Variants in KAZN observed in about 807,000 individuals in gnomAD.
The protein encoded by KAZN is kazrin, periplakin interacting protein, also known as kazrin.
KAZN carries 40 observed loss-of-function variants against 87.4 expected under a neutral mutation model. The ratio of observed to expected loss-of-function variants is 0.46; its 90% CI spans 0.36 to 0.60. The LOEUF is 0.60. Ranked by LOEUF, KAZN falls within the 20% of genes least tolerant of loss-of-function variation. The probability of loss-of-function intolerance (pLI) is 0.00; values close to 1 mark genes in which losing one functional copy is unlikely to be tolerated. For synonymous variants in KAZN, 466 were observed against 458.3 expected (o/e 1.02, Z -0.22); for missense variants, 898 against 1,073.9 (o/e 0.84, Z 2.29).
intron 1 of KAZN, among the ~76,000 whole-genome samples, chr1:14,711,863 A>G (rs1184414601): frequency 2.0e-5 from 3 of 152,158 alleles, no homozygotes; most frequent in Admixed American, 6.5e-5. Flanking sequence ...CTGCGACCAG[A>G]TCCTGGTGCA....
intron 1 of KAZN, among the ~76,000 whole-genome samples, chr1:14,754,406 G>A (rs1454730185): frequency 6.6e-6 from 1 of 150,824 alleles, no homozygotes; most frequent in Non-Finnish European, 1.5e-5. Flanking sequence ...GCTGAGGCAG[G>A]TGGATCCCCT....
chr1:14,343,250 G>T (rs1657873589), intron 2 of KAZN, among the ~76,000 whole-genome samples: 1 of 152,174 alleles, frequency 6.6e-6, no homozygotes, highest in South Asian at 2.1e-4. Flanking sequence ...CCGTCAATTT[G>T]GGAGAGCATT....
chr1:14,602,235 G>T (rs1318600374), intron 1 of KAZN, among the ~76,000 whole-genome samples: 2 of 152,188 alleles, frequency 1.3e-5, no homozygotes, highest in Non-Finnish European at 2.9e-5. Flanking sequence ...TCTAGAAAGT[G>T]AACTGCTGAA....
intron 2 of KAZN, among the ~76,000 whole-genome samples, chr1:14,993,986 G>A (rs114479853): frequency 0.015 from 2,266 of 152,290 alleles, 56 homozygotes; most frequent in African/African-American, 0.052. Context: ...GGTTTAATGC[G>A]TCCTCCCAGG....
intron 4 of KAZN, among the ~76,000 whole-genome samples, chr1:15,050,173 TAGAA>T (rs1307037940): frequency 1.5e-5 from 2 of 130,166 alleles, no homozygotes; most frequent in Admixed American, 8.0e-5. Flanking sequence ...TAGAATAGAA[TAGAA>T]TAGAATAGAA....
intron 1 of KAZN, among the ~76,000 whole-genome samples, chr1:14,167,815 A>T (rs2100241790): frequency 6.6e-6 from 1 of 152,306 alleles, no homozygotes; most frequent in East Asian, 1.9e-4. Flanking sequence ...AAAGGCCTTG[A>T]GGTGGAGATA....
At chr1:14,933,449 A>G (rs770746572) in intron 1 of KAZN, among the ~76,000 whole-genome samples, 9 of 152,112 alleles carry the variant, frequency 5.9e-5, no homozygotes, top group Non-Finnish European at 1.2e-4. Flanking sequence ...TGGTCCTGGA[A>G]CCACATCTGG....
intron 1 of KAZN, among the ~76,000 whole-genome samples, chr1:14,777,183 A>G (rs1360365269): frequency 6.7e-6 from 1 of 149,262 alleles, no homozygotes; most frequent in African/African-American, 2.5e-5. Context: ...TTTTTAGTAG[A>G]GACGGGGTTT....
At chr1:14,768,871 G>A (rs558807493) in intron 1 of KAZN, among the ~76,000 whole-genome samples, 22 of 152,274 alleles carry the variant, frequency 1.4e-4, no homozygotes, top group Middle Eastern at 6.8e-3. Context: ...AAGGGAAGCC[G>A]GAGATTCGCG....
At chr1:14,595,444 G>A (rs1445895602), upstream of KAZN, among the ~76,000 whole-genome samples, 1 of 151,978 alleles carries the variant, frequency 6.6e-6, no homozygotes, top group Non-Finnish European at 1.5e-5. Flanking sequence ...TTGGGAGGCC[G>A]AGGCAGGTGG....
chr1:14,887,023 AC>A (rs1654145290), intron 1 of KAZN, among the ~76,000 whole-genome samples: 1 of 151,696 alleles, frequency 6.6e-6, no homozygotes, highest in Non-Finnish European at 1.5e-5. Flanking sequence ...CCCCCCACCT[AC>A]CCCCACGAGT....
chr1:15,046,548 C>T (rs1210944372), intron 4 of KAZN, among the ~76,000 whole-genome samples: 1 of 152,124 alleles, frequency 6.6e-6, no homozygotes, highest in Non-Finnish European at 1.5e-5. Context: ...TTGTGGGGCT[C>T]TTGTGAGGAT....
At chr1:13,929,081 G>T (rs1029792324) in intron 1 of KAZN, among the ~76,000 whole-genome samples, 1 of 134,752 alleles carries the variant, frequency 7.4e-6, no homozygotes, top group Non-Finnish European at 1.5e-5. Context: ...AAGAGACAGG[G>T]TCTTACTCTG....
intron 1 of KAZN, among the ~76,000 whole-genome samples, chr1:14,610,937 T>C (rs1677768169): frequency 6.6e-6 from 1 of 152,214 alleles, no homozygotes; most frequent in East Asian, 1.9e-4. Flanking sequence ...ATTCTCCAGC[T>C]AACCCGTTGG....
At chr1:14,154,644 C>A (rs561818127) in intron 1 of KAZN, among the ~76,000 whole-genome samples, 3 of 152,264 alleles carry the variant, frequency 2.0e-5, no homozygotes, top group African/African-American at 7.2e-5. Context: ...TTGTACATGG[C>A]TTTAATTATG....
At chr1:14,500,129 A>G (rs1260193801) in intron 2 of KAZN, among the ~76,000 whole-genome samples, 3 of 152,246 alleles carry the variant, frequency 2.0e-5, no homozygotes, top group Non-Finnish European at 1.5e-5. Context: ...AGGCAAAAGC[A>G]CCCAGGGCCC....
At chr1:14,461,558 A>T (rs1667852750) in intron 2 of KAZN, among the ~76,000 whole-genome samples, 1 of 152,150 alleles carries the variant, frequency 6.6e-6, no homozygotes, top group Non-Finnish European at 1.5e-5. Flanking sequence ...GTATGTCTTT[A>T]TCAGCAGTGT....
chr1:14,912,950 T>A (rs1247953421), intron 1 of KAZN, among the ~76,000 whole-genome samples: 2 of 152,172 alleles, frequency 1.3e-5, no homozygotes, highest in Non-Finnish European at 2.9e-5. Context: ...AACGAGCCAA[T>A]GCCAGTCATA....
chr1:15,045,881 C>G (rs1389036312), intron 4 of KAZN, among the ~76,000 whole-genome samples: 1 of 152,208 alleles, frequency 6.6e-6, no homozygotes, highest in Non-Finnish European at 1.5e-5. Flanking sequence ...TATCCACTTA[C>G]CTCCACCTGG....
Sources: allele counts gnomAD v4.1 joint callset (sites outside exome capture counted in the v4.1 genomes callset), GRCh38; gene constraint gnomAD v4.1.1; transcripts MANE v1.5; gene names NCBI Gene and HGNC (gene_info 2026-07-23, HGNC 2026-07-21).